DNM3: variants seen among roughly 807,000 people sequenced by gnomAD.
DNM3 encodes dynamin-3.
In DNM3, 47 loss-of-function variants were observed where a neutral mutation model predicts 101.6. The ratio of observed to expected loss-of-function variants is 0.46; its 90% CI spans 0.37 to 0.59. The LOEUF is 0.59. DNM3 is among the 20% of genes least tolerant of loss of function. The pLI is 0.00. For missense variants in DNM3, 849 were observed against 1,085.7 expected (o/e 0.78, Z 3.06); for synonymous variants, 385 against 387.9 (o/e 0.99, Z 0.09).
intron 6 of DNM3, among the ~76,000 whole-genome samples, chr1:172,036,053 C>A (rs10797721): frequency 6.0e-5 from 9 of 149,092 alleles, no homozygotes; most frequent in Non-Finnish European, 1.3e-4. Flanking sequence ...TGTGCACAAT[C>A]TGCAGGTTAG....
intron 1 of DNM3, among the ~76,000 whole-genome samples, chr1:171,870,342 T>C (rs1407647271): frequency 1.3e-5 from 2 of 152,118 alleles, no homozygotes; most frequent in East Asian, 3.8e-4. Context: ...TACAGACTAA[T>C]GCAGTTATAT....
intron 2 of DNM3, among the ~76,000 whole-genome samples, chr1:171,933,939 C>A (rs1278060029): frequency 2.0e-5 from 3 of 152,132 alleles, no homozygotes; most frequent in African/African-American, 7.2e-5. Flanking sequence ...TTAAGGGATT[C>A]TTCATTTACT....
chr1:171,957,266 C>T (rs574167337), intron 2 of DNM3, among the ~76,000 whole-genome samples: 1 of 147,860 alleles, frequency 6.8e-6, no homozygotes, highest in South Asian at 2.1e-4. Flanking sequence ...GGTGTGATCT[C>T]TGCTCACTGC....
At chr1:172,353,067 A>G (rs1006553744) in intron 17 of DNM3, among the ~76,000 whole-genome samples, 5 of 151,886 alleles carry the variant, frequency 3.3e-5, no homozygotes, top group Non-Finnish European at 5.9e-5. Context: ...CCACCCACAT[A>G]CACCCCTGAT....
intron 13 of DNM3, among the ~76,000 whole-genome samples, chr1:172,111,241 T>C (rs2055455724): frequency 6.6e-6 from 1 of 152,190 alleles, no homozygotes; most frequent in Admixed American, 6.5e-5. Flanking sequence ...CTCCCAGACA[T>C]TGTGACAATA....
chr1:171,922,167 A>C (rs1333622015), intron 2 of DNM3, among the ~76,000 whole-genome samples: 1 of 149,644 alleles, frequency 6.7e-6, no homozygotes, highest in Non-Finnish European at 1.5e-5. Context: ...GTATGTGTGC[A>C]TGCACATGCA....
chr1:172,284,670 T>C lies in DNM3; in HGVS notation c.1770-24058T>C, dbSNP rs115713387. Reference sequence around the variant, plus strand: ...TACATAATTCATTTGTCCTTCCATTTTCTTCTACAGAGACACTTGGCATGG... The same window carrying C: ...TACATAATTCATTTGTCCTTCCATTCTCTTCTACAGAGACACTTGGCATGG... On this transcript the variant is annotated intron_variant, in intron 15 of 20. Transcript: ENST00000627582. 4.1e-3 allele frequency among the ~76,000 whole-genome samples: 629 copies of C among 152,322 alleles called. 10 individuals carry two copies. Among genetic ancestry groups the C allele is most frequent in the African/African-American group, 0.014 (592 of 41,580 alleles).
chr1:172,208,085 C>G (rs547341384), intron 14 of DNM3, among the ~76,000 whole-genome samples: 1 of 151,930 alleles, frequency 6.6e-6, no homozygotes, highest in East Asian at 1.9e-4. Flanking sequence ...TGAGACAGAA[C>G]AAGCACAAAG....
chr1:171,868,886 C>T (rs555903149), intron 1 of DNM3, among the ~76,000 whole-genome samples: 3 of 152,038 alleles, frequency 2.0e-5, no homozygotes, highest in South Asian at 2.1e-4. Flanking sequence ...CGGGTTCAAG[C>T]GATTCTCCTG....
intron 1 of DNM3, among the ~76,000 whole-genome samples, chr1:171,913,645 A>G (rs147141862): frequency 1.6e-4 from 25 of 152,280 alleles, no homozygotes; most frequent in African/African-American, 6.0e-4. Flanking sequence ...TTCTTGGAGC[A>G]GGGGGTGGGC....
At chr1:171,988,266 T>G (rs1342178378) in intron 3 of DNM3, among the ~76,000 whole-genome samples, 1 of 152,174 alleles carries the variant, frequency 6.6e-6, no homozygotes, top group Non-Finnish European at 1.5e-5. Flanking sequence ...TAATGTGTGA[T>G]GGGAAATAAC....
At chr1:172,342,624 G>A (rs2066740775) in intron 17 of DNM3, among the ~76,000 whole-genome samples, 1 of 152,086 alleles carries the variant, frequency 6.6e-6, no homozygotes, top group Non-Finnish European at 1.5e-5. Context: ...AGAGTGGGAG[G>A]AGAGAAAGGA....
chr1:172,364,799 A>C (rs2067924306), intron 17 of DNM3, among the ~76,000 whole-genome samples: 1 of 151,764 alleles, frequency 6.6e-6, no homozygotes, highest in Non-Finnish European at 1.5e-5. Flanking sequence ...TTCTTATAAA[A>C]TCTGGTCATT....
intron 14 of DNM3, among the ~76,000 whole-genome samples, chr1:172,169,087 A>G (rs2058854548): frequency 6.6e-6 from 1 of 151,922 alleles, no homozygotes; most frequent in South Asian, 2.1e-4. Context: ...ACCATAGTAT[A>G]TCTTGCTCAG....
chr1:171,920,737 A>C (rs2040094795), intron 1 of DNM3, among the ~76,000 whole-genome samples: 1 of 152,248 alleles, frequency 6.6e-6, no homozygotes, highest in African/African-American at 2.4e-5. Flanking sequence ...ATGTAGTACT[A>C]TCTTTGCTGC....
chr1:172,303,958 G>A (rs1309458886), intron 15 of DNM3, among the ~76,000 whole-genome samples: 2 of 151,992 alleles, frequency 1.3e-5, no homozygotes, highest in Non-Finnish European at 2.9e-5. Flanking sequence ...ATGCTAGGAA[G>A]AAACTGCATC....
At chr1:171,997,391 G>C (rs2046071836) in intron 4 of DNM3, among the ~76,000 whole-genome samples, 1 of 152,166 alleles carries the variant, frequency 6.6e-6, no homozygotes, top group African/African-American at 2.4e-5. Context: ...GGGTGGGATA[G>C]AAGGAGGATT....
intron 14 of DNM3, among the ~76,000 whole-genome samples, chr1:172,210,045 G>A (rs1207614692): frequency 6.6e-6 from 1 of 151,988 alleles, no homozygotes; most frequent in Admixed American, 6.6e-5. Context: ...ATTACAAGAT[G>A]TTAAATTTGA....
chr1:172,047,613 TG>T (rs2049908704), intron 9 of DNM3, among the ~76,000 whole-genome samples: 2 of 152,234 alleles, frequency 1.3e-5, no homozygotes, highest in African/African-American at 4.8e-5. Flanking sequence ...GATTTGATTC[TG>T]TACCTCGTTC....
Sources: gnomAD v4.1 joint callset for allele counts (sites outside exome capture counted in the v4.1 genomes callset) on GRCh38, gnomAD v4.1.1 for gene constraint, MANE v1.5 for transcripts, NCBI Gene and HGNC (gene_info 2026-07-23, HGNC 2026-07-21) for gene names.